RRP36: variants seen among roughly 807,000 people sequenced by gnomAD.
RRP36 encodes ribosomal RNA processing 36.
Under a neutral mutation model 39.8 loss-of-function variants are expected in RRP36, and 44 were observed. The observed-to-expected ratio is 1.10, with a 90% CI of 0.87 to 1.42. The LOEUF (loss-of-function observed/expected upper bound fraction) is 1.42. Among genes scored for constraint, RRP36 ranks in the 40% most tolerant of loss-of-function variants. The probability of loss-of-function intolerance (pLI) is 0.00; values close to 1 mark genes in which losing one functional copy is unlikely to be tolerated. For synonymous variants in RRP36, 124 were observed against 123.1 expected, an observed-to-expected ratio of 1.01 and a Z score of -0.05; for missense variants, 316 against 322.4, an observed-to-expected ratio of 0.98 and a Z score of 0.15.
chr6:43,026,524 T>A (rs1226347115), intron 4 of RRP36, among the ~76,000 whole-genome samples: 2 of 148,500 alleles, frequency 1.3e-5, no homozygotes, highest in Non-Finnish European at 3.0e-5. Flanking sequence ...AATAGAAAAA[T>A]TAGCCAAGTG....
In RRP36 at chr6:43,027,073, T is replaced by G. The variant is rs1347084947; in HGVS notation, c.451-105T>G. On this transcript the variant is annotated intron_variant, in intron 4 of 6. Transcript: ENST00000244496. ...AGCAAGACTGCATCTCAAAAAAAAA[T>G]GTGTGTGTGTGTATGTGTGTGAACT... The G allele has an allele frequency of 4.6e-6, 4 of 875,022 alleles. No individual in the cohort carries two copies. In the Admixed American group the frequency reaches 6.7e-5, roughly 15 times the overall value. 54.2% of individuals were successfully genotyped at this position (875,022 alleles called of 1,614,324 possible). A position where few individuals can be genotyped will look rare whatever the true frequency, so the allele number is the denominator to read the frequency against.
chr6:43,022,520 C>G lies in RRP36; in HGVS notation c.130+736C>G, dbSNP rs527351515. 3.3e-5 allele frequency among the ~76,000 whole-genome samples: 5 copies of G among 151,978 alleles called. 1 individual carries two copies. The South Asian group carries it at 1.0e-3, about 32-fold the overall frequency. ...CCTCGAACTCCCGGGCCCAAGAGAT[C>G]CTCCTACCTCAGCCTTTCGAGTAGC... On this transcript the variant is annotated intron_variant, in intron 1 of 6. Coordinates refer to ENST00000244496, the MANE Select transcript of RRP36 (RefSeq NM_033112.4).
intron 4 of RRP36, 198 bp from the exon 5 acceptor site, chr6:43,026,980 T>C: frequency 2.1e-6 from 1 of 485,672 alleles, no homozygotes; most frequent in Non-Finnish European, 3.7e-6. Context: ...GCAGGGGAAT[T>C]GCTTGAACCC....
intron 1 of RRP36, among the ~76,000 whole-genome samples, chr6:43,023,371 C>T (rs1393485780): frequency 6.6e-6 from 1 of 152,070 alleles, no homozygotes. Flanking sequence ...TGCACTCCAG[C>T]CTGGGCAACA....
At chr6:43,027,090 G>A (rs764133293) in intron 4 of RRP36, 88 bp from the exon 5 acceptor site, 2 of 1,162,750 alleles carry the variant, frequency 1.7e-6, no homozygotes, top group East Asian at 2.4e-5. Flanking sequence ...GTGTGTATGT[G>A]TGTGAACTTC....
At chr6:43,021,828 C>G in intron 1 of RRP36, 44 bp downstream of exon 1, 1 of 1,196,228 alleles carries the variant, frequency 8.4e-7, no homozygotes, top group Non-Finnish European at 1.0e-6. Flanking sequence ...GAAGGAGATT[C>G]CCAGGCGGGG....
chr6:43,022,673 C>G (rs569517171), intron 1 of RRP36, among the ~76,000 whole-genome samples: 88 of 142,134 alleles, frequency 6.2e-4, no homozygotes, highest in African/African-American at 2.1e-3. Context: ...CGCTCTGTTG[C>G]CCATGCTGGA....
chr6:43,027,079 T>C, intron 4 of RRP36, 99 bp from the exon 5 acceptor site: 1 of 981,290 alleles, frequency 1.0e-6, no homozygotes, highest in South Asian at 1.4e-5. Flanking sequence ...AAAATGTGTG[T>C]GTGTGTATGT....
At chr6:43,023,499 T>C (rs1216317233) in intron 1 of RRP36, among the ~76,000 whole-genome samples, 1 of 152,018 alleles carries the variant, frequency 6.6e-6, no homozygotes, top group African/African-American at 2.4e-5. Context: ...ATCAAGACCA[T>C]CTGGGCCAAC....
intron 1 of RRP36, among the ~76,000 whole-genome samples, chr6:43,022,573 G>T (rs1257603133): frequency 1.4e-5 from 2 of 139,570 alleles, no homozygotes; most frequent in Non-Finnish European, 1.5e-5. Flanking sequence ...CACCACGCCT[G>T]CACGGATGGG....
At position 43,025,182 on chromosome 6, in the gene RRP36, G is replaced by C. The variant is rs370615233; in HGVS notation, c.278+50G>C. The C allele has an allele frequency of 3.7e-6, 6 of 1,612,794 alleles. No homozygotes were observed. The African/African-American group carries it at 4.0e-5, about 11-fold the overall frequency. On this transcript the variant is annotated intron_variant, in intron 2 of 6. Transcript: ENST00000244496. ...TGGAAGATAACTGGGACCTTGAATA[G>C]GTATGTTGTCTTGGGTGACAGGTGG...
Position 43,026,052 on chromosome 6 carries a change from C to T in RRP36, c.361C>T (p.Arg121Cys), listed in dbSNP as rs944793469. The T allele has an allele frequency of 1.2e-6, 2 of 1,613,104 alleles. No homozygotes were observed. Among genetic ancestry groups the T allele is most frequent in the Non-Finnish European group, 8.5e-7 (1 of 1,179,158 alleles). The change falls in exon 4 of 7, where the codon CGC becomes TGC. Residue 121 changes from arginine (R) to cysteine (C), a missense_variant. Coordinates refer to ENST00000244496, the MANE Select transcript of RRP36 (RefSeq NM_033112.4). ...CTCTCCAAAGGTAGCCCGGGACCCTCGCTTTGATGATCTGTCAGGGGAATA... is the reference window on the plus strand; with the variant it reads ...CTCTCCAAAGGTAGCCCGGGACCCTTGCTTTGATGATCTGTCAGGGGAATA... ...PISKKVARDP[R>C]FDDLSGEYNP...
At chr6:43,026,686 T>C (rs1762817699) in intron 4 of RRP36, among the ~76,000 whole-genome samples, 1 of 151,020 alleles carries the variant, frequency 6.6e-6, no homozygotes, top group Admixed American at 6.6e-5. Context: ...AAACAGTTAC[T>C]GTCTTGGTGT....
intron 3 of RRP36, among the ~76,000 whole-genome samples, chr6:43,025,631 A>C (rs1405294528): frequency 6.7e-6 from 1 of 149,866 alleles, no homozygotes; most frequent in East Asian, 2.0e-4. Context: ...TCAAAAAAAA[A>C]AAAAAAAAAA....
chr6:43,023,554 T>C (rs945469514), intron 1 of RRP36, among the ~76,000 whole-genome samples: 9 of 148,870 alleles, frequency 6.0e-5, no homozygotes, highest in Non-Finnish European at 1.2e-4. Flanking sequence ...TCAGCTGGAC[T>C]TGGTGGTGCG....
In RRP36 at chr6:43,021,746, G is replaced by T; in HGVS notation, c.92G>T (p.Gly31Val). The T allele has an allele frequency of 3.5e-5, 43 of 1,224,114 alleles. No individual in the cohort carries two copies. Among genetic ancestry groups the T allele is most frequent in the Non-Finnish European group, 4.4e-5 (43 of 982,426 alleles). 75.8% of individuals were successfully genotyped at this position (1,224,114 alleles called of 1,614,324 possible). Reference protein sequence around the residue: ...GARDREEDGGGLEPAAVARDL... With the variant: ...GARDREEDGGVLEPAAVARDL... ...CGGGACCGCGAGGAGGACGGCGGGG[G>T]CCTGGAGCCCGCGGCCGTGGCCCGC... Residue 31 changes from glycine to valine, a missense_variant, in exon 1 of 7, where the codon GGC becomes GTC. Transcript: ENST00000244496.
chr6:43,023,268 C>T (rs1239691841), intron 1 of RRP36, among the ~76,000 whole-genome samples: 2 of 152,004 alleles, frequency 1.3e-5, no homozygotes, highest in Non-Finnish European at 2.9e-5. Flanking sequence ...GGGTGGTGGC[C>T]CACGTCTGTA....
chr6:43,025,411 C>A, intron 3 of RRP36, 82 bp downstream of exon 3: 1 of 1,249,594 alleles, frequency 8.0e-7, no homozygotes, highest in Non-Finnish European at 1.2e-6. Context: ...CACCTGAGAT[C>A]AGGAGTTCCA....
intron 1 of RRP36, among the ~76,000 whole-genome samples, chr6:43,022,954 C>T (rs1189902059): frequency 6.6e-6 from 1 of 152,030 alleles, no homozygotes; most frequent in East Asian, 1.9e-4. Flanking sequence ...TTACCAGGTG[C>T]CAGGGCTGGT....
Sources: allele counts gnomAD v4.1 joint callset (sites outside exome capture counted in the v4.1 genomes callset), GRCh38; gene constraint gnomAD v4.1.1; transcripts MANE v1.5; gene names NCBI Gene and HGNC (gene_info 2026-07-23, HGNC 2026-07-21).